PDE1A: variants seen among roughly 807,000 people sequenced by gnomAD.
PDE1A encodes the protein dual specificity calcium/calmodulin-dependent 3',5'-cyclic nucleotide phosphodiesterase 1A.
Under a neutral mutation model 61.7 loss-of-function variants are expected in PDE1A, and 35 were observed. That is an observed-to-expected ratio of 0.57 (90% CI 0.43 to 0.75). The LOEUF is 0.75. Among genes scored for constraint, PDE1A ranks in the 30% least tolerant of loss-of-function variants. The pLI, the probability that PDE1A is intolerant of heterozygous loss-of-function variation, is 0.00. For synonymous variants in PDE1A, 232 were observed against 213.2 expected (o/e 1.09, Z -0.77); for missense variants, 597 against 630.6 (o/e 0.95, Z 0.57).
intron 1 of PDE1A, among the ~76,000 whole-genome samples, chr2:182,352,687 G>A (rs542699278): frequency 1.3e-5 from 2 of 148,304 alleles, no homozygotes; most frequent in East Asian, 2.0e-4. Flanking sequence ...CCTCTTAATT[G>A]TGTGGGCATT....
the PDE1A span, among the ~76,000 whole-genome samples, chr2:182,570,909 C>G: frequency 6.6e-6 from 1 of 152,118 alleles, no homozygotes; most frequent in African/African-American, 2.4e-5. Flanking sequence ...TTTGACATCT[C>G]TTTGCTTTAA....
At chr2:182,309,125 C>A (rs185502428) in intron 1 of PDE1A, among the ~76,000 whole-genome samples, 1 of 151,434 alleles carries the variant, frequency 6.6e-6, no homozygotes, top group South Asian at 2.1e-4. Flanking sequence ...TTTCCTTTTA[C>A]GTAAAAAGTT....
At chr2:182,456,588 C>T (rs1685936773) in intron 2 of PDE1A, among the ~76,000 whole-genome samples, 1 of 151,946 alleles carries the variant, frequency 6.6e-6, no homozygotes, top group African/African-American at 2.4e-5. Context: ...ACAATTGAAC[C>T]AATCACCGTG....
chr2:182,450,216 C>T (rs368998330), intron 2 of PDE1A, among the ~76,000 whole-genome samples: 72 of 152,058 alleles, frequency 4.7e-4, no homozygotes, highest in African/African-American at 1.5e-3. Context: ...CCAAAGGAAA[C>T]AAAAGCACCA....
chr2:182,208,657 C>A (rs1287145519), intron 7 of PDE1A, among the ~76,000 whole-genome samples: 1 of 152,180 alleles, frequency 6.6e-6, no homozygotes, highest in African/African-American at 2.4e-5. Flanking sequence ...GGGGGCTGTA[C>A]CCTGCAGAGC....
chr2:182,540,852 G>A, the PDE1A span, among the ~76,000 whole-genome samples: 3 of 151,860 alleles, frequency 2.0e-5, no homozygotes. Flanking sequence ...TTGTATTACC[G>A]TATGTTAATA....
In PDE1A at chr2:182,205,921, G is replaced by A. The variant is rs757998171; in HGVS notation, c.902+19C>T. The stretch of plus-strand genomic sequence containing the variant: ...CTTTCCTGAAATTAAATTTCCTCTA[G>A]GTTTTCTCTGAAACTCACCTCCAGT... On this transcript the variant is annotated intron_variant, in intron 8 of 13. Coordinates refer to ENST00000351439, the Ensembl canonical transcript of PDE1A. The A allele has an allele frequency of 6.3e-7, 1 of 1,589,288 alleles. No individual in the cohort carries two copies. Among genetic ancestry groups the A allele is most frequent in the Admixed American group, 1.8e-5 (1 of 56,012 alleles).
chr2:182,241,728 G>T, intron 2 of PDE1A: 1 of 797,168 alleles, frequency 1.3e-6, no homozygotes, highest in African/African-American at 1.8e-5. Context: ...AAGTTCTGGA[G>T]TCACAAAGAT....
chr2:182,586,277 A>G, the PDE1A span, among the ~76,000 whole-genome samples: 2 of 152,190 alleles, frequency 1.3e-5, no homozygotes, highest in African/African-American at 4.8e-5. Flanking sequence ...ACTAGAAGGG[A>G]TAAGAAAAGG....
intron 1 of PDE1A, among the ~76,000 whole-genome samples, chr2:182,313,195 C>T (rs927941514): frequency 1.3e-5 from 2 of 152,142 alleles, no homozygotes; most frequent in Non-Finnish European, 2.9e-5. Flanking sequence ...AGGCAGATCA[C>T]GTAAGATCAG....
intron 3 of PDE1A, among the ~76,000 whole-genome samples, chr2:182,236,584 G>T (rs1416415589): frequency 6.6e-6 from 1 of 152,200 alleles, no homozygotes; most frequent in Non-Finnish European, 1.5e-5. Flanking sequence ...TCACTGCTGT[G>T]TGACCTTTGG....
chr2:182,346,783 G>T (rs1158146692), intron 1 of PDE1A, among the ~76,000 whole-genome samples: 1 of 152,034 alleles, frequency 6.6e-6, no homozygotes, highest in African/African-American at 2.4e-5. Context: ...TTCAATATGA[G>T]AAAATCAACT....
chr2:182,443,692 C>CT (rs1684941606), intron 2 of PDE1A, among the ~76,000 whole-genome samples: 1 of 143,730 alleles, frequency 7.0e-6, no homozygotes, highest in South Asian at 2.2e-4. Context: ...CTTTTATTTT[C>CT]TTTTTTCCTT....
At chr2:182,307,818 T>G (rs2125935818) in intron 1 of PDE1A, among the ~76,000 whole-genome samples, 1 of 152,194 alleles carries the variant, frequency 6.6e-6, no homozygotes, top group Non-Finnish European at 1.5e-5. Context: ...ATTATGCCAC[T>G]GAACTCTAGC....
chr2:182,595,089 A>T, the PDE1A span, among the ~76,000 whole-genome samples: 1 of 152,322 alleles, frequency 6.6e-6, no homozygotes, highest in South Asian at 2.1e-4. Context: ...GAAATGGACG[A>T]TAAAGACAAT....
intron 2 of PDE1A, among the ~76,000 whole-genome samples, chr2:182,473,798 G>A (rs890153030): frequency 6.6e-6 from 1 of 151,860 alleles, no homozygotes; most frequent in Non-Finnish European, 1.5e-5. Context: ...CTCCATCCAC[G>A]TTCCTTCAAA....
chr2:182,580,166 C>T, the PDE1A span, among the ~76,000 whole-genome samples: 2 of 152,102 alleles, frequency 1.3e-5, no homozygotes, highest in Non-Finnish European at 2.9e-5. Flanking sequence ...ATTGTGTTGG[C>T]CAAAATGGTA....
the PDE1A span, among the ~76,000 whole-genome samples, chr2:182,691,452 G>A: frequency 2.6e-5 from 4 of 152,178 alleles, no homozygotes; most frequent in Admixed American, 2.6e-4. Context: ...GTTAACAAAT[G>A]GTGCTGGGAA....
chr2:182,168,215 G>GCC lies in PDE1A; in HGVS notation c.*30_*31dup, dbSNP rs1318986020. 1.9e-6 allele frequency: 3 copies of GCC among 1,573,052 alleles called. No individual in the cohort carries two copies. In the South Asian group the frequency reaches 3.6e-5, roughly 19 times the overall value. On this transcript the variant is annotated 3_prime_UTR_variant, in exon 14 of 14. Transcript: ENST00000351439. ...CAAGTCTTTTGGTCAAATTAGAGCT[G>GCC]CCACCATGCACGAGGTTTTACTTAA...
Sources: gnomAD v4.1 joint callset for allele counts (sites outside exome capture counted in the v4.1 genomes callset) on GRCh38, gnomAD v4.1.1 for gene constraint, MANE v1.5 for transcripts, NCBI Gene and HGNC (gene_info 2026-07-23, HGNC 2026-07-21) for gene names.